Variants in CBFA2T3 observed in about 807,000 individuals in gnomAD.
CBFA2T3 encodes the protein transcriptional corepressor CBFA2T3.
A neutral mutation model predicts 58.6 loss-of-function variants in CBFA2T3; 31 were observed. The observed-to-expected ratio is 0.53, with a 90% CI of 0.40 to 0.71. The LOEUF is 0.71. CBFA2T3 is among the 30% of genes least tolerant of loss of function. CBFA2T3 has a pLI of 0.00. For missense variants in CBFA2T3, 1,076 were observed against 963.1 expected, an observed-to-expected ratio of 1.12 and a Z score of -1.55; for synonymous variants, 531 against 421.9, an observed-to-expected ratio of 1.26 and a Z score of -3.17.
chr16:88,901,363 G>T lies in CBFA2T3; in HGVS notation c.304+141C>A, dbSNP rs555474333. On this transcript the variant is annotated intron_variant, in intron 2 of 11. Transcript: ENST00000268679. ...TGGGATTTGAACCGGCCAAGCCTGG[G>T]CTCTGGGCCACACGAGCTCCTCACA... is the stretch of plus-strand genomic sequence containing the variant. The T allele has an allele frequency of 4.6e-4, 236 of 517,260 alleles. 2 individuals carry two copies. Among genetic ancestry groups the T allele is most frequent in the Non-Finnish European group, 7.1e-4 (212 of 298,550 alleles). 32.0% of individuals were successfully genotyped at this position (517,260 alleles called of 1,614,324 possible). A position where few individuals can be genotyped will look rare whatever the true frequency, so the allele number is the denominator to read the frequency against.
rs936759093 is a variant in CBFA2T3 at position 88,950,958 on chromosome 16, C to T, written c.151+25699G>A. 19 of 426,370 alleles carry T rather than the reference C, an allele frequency of 4.5e-5. 1 individual carries two copies. Among genetic ancestry groups the T allele is most frequent in the Non-Finnish European group, 6.8e-5 (15 of 219,000 alleles). 26.4% of individuals were successfully genotyped at this position (426,370 alleles called of 1,614,324 possible). A position where few individuals can be genotyped will look rare whatever the true frequency, so the allele number is the denominator to read the frequency against. ...GTTCACCCGTCCCCTGGACCGGCAC[C>T]GCCACAGAGGGTCAGAGTGTTGGCA... On this transcript the variant is annotated intron_variant, in intron 1 of 11. Coordinates refer to ENST00000268679, the MANE Select transcript of CBFA2T3 (RefSeq NM_005187.6).
chr16:88,946,628 G>A (rs1467679811), intron 1 of CBFA2T3, among the ~76,000 whole-genome samples: 3 of 151,812 alleles, frequency 2.0e-5, no homozygotes, highest in East Asian at 2.0e-4. Context: ...GATTACAGGC[G>A]CCCACCATCA....
rs188970294 is a variant in CBFA2T3, at chr16:88,949,634, A to G, written c.151+27023T>C. Among the ~76,000 whole-genome samples, 443 of 152,264 alleles carry G rather than the reference A, an allele frequency of 2.9e-3. 2 individuals carry two copies. The highest frequency in any genetic ancestry group is 9.9e-3 in the African/African-American group (413 of 41,530). On this transcript the variant is annotated intron_variant, in intron 1 of 11. Coordinates refer to ENST00000268679, the MANE Select transcript of CBFA2T3 (RefSeq NM_005187.6). ...GGACAAACGACAGTGGCCCCAGCACACAAACATTGCTACAGAGAAGAACAA... is the reference window on the plus strand; with the variant it reads ...GGACAAACGACAGTGGCCCCAGCACGCAAACATTGCTACAGAGAAGAACAA...
intron 1 of CBFA2T3, chr16:88,937,944 C>T (rs499706): frequency 6.6e-6 from 1 of 151,778 alleles, no homozygotes. Flanking sequence ...TCTATGAACA[C>T]TGGATGCCAT....
intron 9 of CBFA2T3, 75 bp from the exon 10 acceptor site, chr16:88,880,863 G>C: frequency 7.3e-7 from 1 of 1,369,416 alleles, no homozygotes; most frequent in African/African-American, 1.4e-5. Flanking sequence ...CCCCACCCTG[G>C]CTGGGCCCTG....
At chr16:88,879,098 G>A (rs1362105586) in intron 11 of CBFA2T3, among the ~76,000 whole-genome samples, 172 bp downstream of exon 11, 3 of 152,232 alleles carry the variant, frequency 2.0e-5, no homozygotes, top group Non-Finnish European at 4.4e-5. Context: ...GAACCATGTG[G>A]GATCTCTGTG....
At chr16:88,911,403 T>C (rs936309688) in intron 1 of CBFA2T3, among the ~76,000 whole-genome samples, 1 of 152,240 alleles carries the variant, frequency 6.6e-6, no homozygotes, top group Non-Finnish European at 1.5e-5. Flanking sequence ...TTGGGTAAGA[T>C]GCAGTGCCTC....
rs2142557086 is a variant in CBFA2T3, at chr16:88,886,112, G to A, written c.742C>T (p.Leu248=). ...TGCTTGGCCAGGCGTGCACAGTGCA[G>A]GAGCTCCCGCTGCAGCAAGGGCAGG... is the stretch of plus-strand genomic sequence containing the variant. ...ANLPLLQREL[L]HCARLAKQTP... Residue 248 remains leucine (L), a synonymous_variant, in exon 6 of 12, where the codon CTG becomes TTG. Coordinates refer to ENST00000268679, the MANE Select transcript of CBFA2T3 (RefSeq NM_005187.6). 1.3e-6 allele frequency: 2 copies of A among 1,562,376 alleles called. No individual in the cohort carries two copies. Among genetic ancestry groups the A allele is most frequent in the Admixed American group, 3.6e-5 (2 of 55,068 alleles).
At position 88,876,350 on chromosome 16, in the gene CBFA2T3, G is replaced by A. The variant is rs893727284; in HGVS notation, c.*626C>T. On this transcript the variant is annotated 3_prime_UTR_variant, in exon 12 of 12. Transcript: ENST00000268679. Reference sequence around the variant, plus strand: ...GTCAGAAATCGAAATCTTTCCTCCCGTCTTCGCTGATCAGCCTCACGCCCC... The same window carrying A: ...GTCAGAAATCGAAATCTTTCCTCCCATCTTCGCTGATCAGCCTCACGCCCC... The A allele has an allele frequency of 3.5e-5, 8 of 228,500 alleles. No homozygotes were observed. Among genetic ancestry groups the A allele is most frequent in the Admixed American group, 1.1e-4 (2 of 17,606 alleles). 14.2% of individuals were successfully genotyped at this position (228,500 alleles called of 1,614,324 possible).
intron 1 of CBFA2T3, among the ~76,000 whole-genome samples, chr16:88,908,209 G>C (rs1970402729): frequency 6.6e-6 from 1 of 152,180 alleles, no homozygotes; most frequent in South Asian, 2.1e-4. Flanking sequence ...GAGCGTAGTG[G>C]TGCGTGCCTA....
At chr16:88,926,223 C>T (rs981476877) in intron 1 of CBFA2T3, among the ~76,000 whole-genome samples, 2 of 151,188 alleles carry the variant, frequency 1.3e-5, no homozygotes. Context: ...CCTCCAAGAG[C>T]CTAACCTTGT....
chr16:88,950,004 GAAAAA>G (rs1314937875), intron 1 of CBFA2T3, among the ~76,000 whole-genome samples: 2 of 150,178 alleles, frequency 1.3e-5, no homozygotes, highest in East Asian at 3.9e-4. Flanking sequence ...GATTCTGTCT[GAAAAA>G]AAAGAAAAGA....
At chr16:88,943,478 C>A (rs947401685) in intron 1 of CBFA2T3, among the ~76,000 whole-genome samples, 2 of 152,224 alleles carry the variant, frequency 1.3e-5, no homozygotes, top group Admixed American at 1.3e-4. Flanking sequence ...GCTGCACCTG[C>A]CCCACCGCAG....
rs115140361 is a variant in CBFA2T3, at chr16:88,975,470, A to G, written c.151+1187T>C. ...CGGGGAGCAGGTCGGAAGGGTCTGA[A>G]CCATGAGGAAACTGAGGCCCAGGGA... On this transcript the variant is annotated intron_variant, in intron 1 of 11. Transcript: ENST00000268679. 8.5e-3 allele frequency among the ~76,000 whole-genome samples: 1,299 copies of G among 152,350 alleles called. 23 individuals are homozygous for G. Among genetic ancestry groups the G allele is most frequent in the African/African-American group, 0.03 (1,260 of 41,580 alleles).
intron 8 of CBFA2T3, among the ~76,000 whole-genome samples, chr16:88,882,087 T>G (rs1281503754): frequency 1.3e-5 from 2 of 152,196 alleles, no homozygotes; most frequent in African/African-American, 4.8e-5. Flanking sequence ...GGAATCCTCC[T>G]CCCTGGGCCT....
In CBFA2T3 at chr16:88,886,121, G is replaced by A. The variant is rs547367808; in HGVS notation, c.733C>T (p.Arg245Trp). The A allele has an allele frequency of 2.3e-5, 35 of 1,549,616 alleles. No individual in the cohort carries two copies. The highest frequency in any genetic ancestry group is 8.2e-5 in the African/African-American group (6 of 73,536). Reference sequence around the variant, plus strand: ...AGGCGTGCACAGTGCAGGAGCTCCCGCTGCAGCAAGGGCAGGTTTGCCTGT... The same window carrying A: ...AGGCGTGCACAGTGCAGGAGCTCCCACTGCAGCAAGGGCAGGTTTGCCTGT... ...FLKANLPLLQRELLHCARLAK... is the reference protein window; with the variant it reads ...FLKANLPLLQWELLHCARLAK... The change falls in exon 6 of 12, where the codon CGG becomes TGG. Residue 245 changes from arginine to tryptophan, a missense_variant. By Grantham distance (101) the Arg-to-Trp change is moderately radical. Coordinates refer to ENST00000268679, the MANE Select transcript of CBFA2T3 (RefSeq NM_005187.6).
chr16:88,911,080 C>T (rs998364504), intron 1 of CBFA2T3, among the ~76,000 whole-genome samples: 4 of 152,378 alleles, frequency 2.6e-5, no homozygotes, highest in South Asian at 2.1e-4. Context: ...CAGACCCTCC[C>T]GCCCCCACAG....
chr16:88,934,088 A>G (rs1416420052), intron 1 of CBFA2T3, among the ~76,000 whole-genome samples: 3 of 152,216 alleles, frequency 2.0e-5, no homozygotes, highest in Admixed American at 6.5e-5. Context: ...TGGCCACGAG[A>G]CAGTCTGAAA....
chr16:88,903,381 G>T (rs1970175049), intron 1 of CBFA2T3, among the ~76,000 whole-genome samples: 1 of 152,192 alleles, frequency 6.6e-6, no homozygotes, highest in East Asian at 1.9e-4. Flanking sequence ...CCCTCTGCTG[G>T]GCCTGTGGGG....
Sources: allele counts gnomAD v4.1 joint callset (sites outside exome capture counted in the v4.1 genomes callset), GRCh38; gene constraint gnomAD v4.1.1; transcripts MANE v1.5; gene names NCBI Gene and HGNC (gene_info 2026-07-23, HGNC 2026-07-21).